Variants in BAHCC1 observed in about 807,000 individuals in gnomAD.
The protein encoded by BAHCC1 is BAH domain and coiled-coil containing 1, also known as BAH and coiled-coil domain-containing protein 1.
BAHCC1 carries 43 observed loss-of-function variants against 88.2 expected under a neutral mutation model. The observed-to-expected ratio is 0.49, with a 90% CI of 0.38 to 0.63. The LOEUF (loss-of-function observed/expected upper bound fraction) is 0.63. Among genes scored for constraint, BAHCC1 ranks in the 20% least tolerant of loss-of-function variants. The probability of loss-of-function intolerance (pLI) is 0.00; values close to 1 mark genes in which losing one functional copy is unlikely to be tolerated. For missense variants in BAHCC1, 3,023 were observed against 1,654.8 expected (o/e 1.83, Z -14.34); for synonymous variants, 1,510 against 745.5 (o/e 2.03, Z -16.71).
intron 10 of BAHCC1, 128 bp downstream of exon 10, chr17:81,445,809 A>T (rs1463880979): frequency 1.6e-6 from 1 of 614,050 alleles, no homozygotes; most frequent in African/African-American, 1.9e-5. Flanking sequence ...CCAGGGCAGC[A>T]TGGCTGTTCC....
rs1286566677 is a variant in BAHCC1 at position 81,434,900 on chromosome 17, G to T, written c.359-3470G>T. Among the ~76,000 whole-genome samples the T allele has an allele frequency of 2.0e-5, 3 of 152,060 alleles. No homozygotes were observed. Among genetic ancestry groups the T allele is most frequent in the Non-Finnish European group, 4.4e-5 (3 of 67,980 alleles). On this transcript the variant is annotated intron_variant, in intron 3 of 27. Transcript: ENST00000675386. This position sits in a 1 kb window ranked among gnomAD's most constrained non-coding sequence, Gnocchi z 4.9. ...AGGGGGATGAGGTACCTGGAGTGGG[G>T]GTGCCCGTCAGGCAGCCAGGGCTGG...
chr17:81,422,316 T>C (rs1555649691), intron 2 of BAHCC1, among the ~76,000 whole-genome samples: 1 of 152,252 alleles, frequency 6.6e-6, no homozygotes, highest in African/African-American at 2.4e-5. Flanking sequence ...TGGTCTCTCT[T>C]GTGCTTTATT....
Position 81,447,798 on chromosome 17 carries a change from A to G in BAHCC1, c.3926A>G (p.Glu1309Gly). 1.3e-6 allele frequency: 1 copy of G among 752,276 alleles called. No individual in the cohort carries two copies. The highest frequency in any genetic ancestry group is 2.5e-5 in the East Asian group (1 of 39,664). The allele number at this position is 752,276 out of a possible 1,614,324, so 46.6% of individuals were successfully genotyped here. A position where few individuals can be genotyped will look rare whatever the true frequency, so the allele number is the denominator to read the frequency against. ...SGIHGIALLS[E>G]LADLAIQRQR... Reference sequence around the variant, plus strand: ...ATTCATGGGATCGCTCTGCTCAGCGAGCTGGCTGACCTGGCAATCCAGCGG... The same window carrying G: ...ATTCATGGGATCGCTCTGCTCAGCGGGCTGGCTGACCTGGCAATCCAGCGG... The change falls in exon 11 of 28, where the codon GAG becomes GGG. Residue 1309 changes from glutamate to glycine, a missense_variant. By Grantham distance (98) the Glu-to-Gly change is moderately conservative (BLOSUM62 -2). Transcript: ENST00000675386.
At chr17:81,402,708 G>C (rs1210384865) in intron 2 of BAHCC1, 19 of 152,272 alleles carry the variant, frequency 1.2e-4, no homozygotes, top group Admixed American at 1.2e-3. Context: ...TGCTCTTCCT[G>C]TGCCTGTCTG....
rs1555654946 is a variant in BAHCC1 at position 81,447,648 on chromosome 17, G to C, written c.3776G>C (p.Gly1259Ala). ...AGCCACCCACCCAGGGCGCTACCAG[G>C]CCTGGATGCCTTGGTGGCCGCCACC... ...DNSHPPRALP[G>A]LDALVAATIN... The change falls in exon 11 of 28, where the codon GGC becomes GCC. Residue 1259 changes from glycine (G) to alanine (A), a missense_variant. Physicochemically the swap from Gly to Ala is moderately conservative, Grantham distance 60. Transcript: ENST00000675386. 1 of 740,318 alleles carries C rather than the reference G, an allele frequency of 1.4e-6. No homozygotes were observed. Among genetic ancestry groups the C allele is most frequent in the South Asian group, 1.4e-5 (1 of 69,348 alleles). The allele number at this position is 740,318 out of a possible 1,614,324, so 45.9% of individuals were successfully genotyped here.
chr17:81,463,009 C>G, intron 27 of BAHCC1, 33 bp downstream of exon 27: 1 of 767,106 alleles, frequency 1.3e-6, no homozygotes, highest in Non-Finnish European at 2.4e-6. Context: ...GCCCAGCCCC[C>G]CTCGGGGCCC....
chr17:81,424,523 G>A (rs782684035), intron 2 of BAHCC1, among the ~76,000 whole-genome samples: 11 of 152,150 alleles, frequency 7.2e-5, no homozygotes, highest in South Asian at 2.1e-4. Context: ...TGGTGGTGGC[G>A]AGTGATGTGG....
chr17:81,455,636 C>G (rs1335406459), intron 15 of BAHCC1, among the ~76,000 whole-genome samples: 1 of 152,232 alleles, frequency 6.6e-6, no homozygotes, highest in Non-Finnish European at 1.5e-5. Flanking sequence ...TCGTCTCACT[C>G]CAGCAGGAAA....
chr17:81,417,924 C>T (rs545609707), intron 2 of BAHCC1, among the ~76,000 whole-genome samples: 20 of 152,380 alleles, frequency 1.3e-4, no homozygotes, highest in Non-Finnish European at 2.2e-4. Context: ...GCCCCTCCCT[C>T]GCTGCCCCCA....
chr17:81,455,057 A>G (rs1459228258), intron 14 of BAHCC1, among the ~76,000 whole-genome samples: 6 of 152,196 alleles, frequency 3.9e-5, no homozygotes, highest in African/African-American at 1.4e-4. Flanking sequence ...GGTGGTTGGC[A>G]GGCAGAGGGG....
intron 2 of BAHCC1, among the ~76,000 whole-genome samples, chr17:81,414,557 C>T (rs1037181787): frequency 1.6e-4 from 25 of 152,190 alleles, no homozygotes; most frequent in African/African-American, 5.8e-4. Flanking sequence ...CCACCTCGCC[C>T]GCTCCCCTGC....
At chr17:81,397,638 C>T (rs751905142) in intron 1 of BAHCC1, among the ~76,000 whole-genome samples, 72 of 152,168 alleles carry the variant, frequency 4.7e-4, no homozygotes, top group South Asian at 1.0e-3. Flanking sequence ...TAGTCCAGCC[C>T]GGGCAGCCCC....
rs782537873 is a variant in BAHCC1, at chr17:81,461,638, C to G, written c.6975C>G (p.Thr2325=). The G allele has an allele frequency of 1.5e-5, 11 of 737,320 alleles. No homozygotes were observed. The African/African-American group carries it at 1.9e-4, about 13-fold the overall frequency. The allele number at this position is 737,320 out of a possible 1,614,324, so 45.7% of individuals were successfully genotyped here. The change falls in exon 26 of 28, where the codon ACC becomes ACG. Residue 2325 remains threonine, a synonymous_variant. Transcript: ENST00000675386. ...CCTCTTCCTCCTCTGGCTCGTCCAC[C>G]TCCTCCTCCTCAGGCTCCGTGTCCA... ...SVSSSSSGSS[T]SSSSGSVSTS...
At chr17:81,415,927 A>G (rs1253127735) in intron 2 of BAHCC1, among the ~76,000 whole-genome samples, 2 of 151,884 alleles carry the variant, frequency 1.3e-5, no homozygotes, top group African/African-American at 4.8e-5. Flanking sequence ...CAGGGAGACC[A>G]TGGGCCTCAC....
At chr17:81,396,086 C>T (rs576886400) in intron 1 of BAHCC1, 4 of 152,374 alleles carry the variant, frequency 2.6e-5, no homozygotes, top group African/African-American at 9.6e-5. Context: ...GAACGAACCC[C>T]AACATTCGCT....
intron 4 of BAHCC1, among the ~76,000 whole-genome samples, chr17:81,439,258 C>T (rs1250824170): frequency 6.6e-6 from 1 of 152,138 alleles, no homozygotes; most frequent in Non-Finnish European, 1.5e-5. Context: ...AAAAGTTCTC[C>T]TTGGGGTGAC....
intron 3 of BAHCC1, among the ~76,000 whole-genome samples, chr17:81,427,885 G>A (rs1461185288): frequency 3.3e-5 from 5 of 152,222 alleles, no homozygotes; most frequent in Admixed American, 1.3e-4. Context: ...CCACGCCACC[G>A]CCCCGTTCCA....
At chr17:81,406,571 C>A (rs782139060) in intron 2 of BAHCC1, among the ~76,000 whole-genome samples, 1 of 152,260 alleles carries the variant, frequency 6.6e-6, no homozygotes, top group Admixed American at 6.5e-5. Context: ...GGGCGTGGGA[C>A]CGCACTCCGC....
In BAHCC1 at chr17:81,444,484, G is replaced by T. The variant is rs1194214289; in HGVS notation, c.2428G>T (p.Asp810Tyr). Residue 810 changes from aspartate to tyrosine, a missense_variant, in exon 7 of 28, where the codon GAC becomes TAC. Transcript: ENST00000675386. ...GATGCAGAGCGGCCAGCTGGGCGGG[G>T]ACCCAGCCCCCCACACCCACCCCCA... Reference protein sequence around the residue: ...LMMQSGQLGGDPAPHTHPHPP... With the variant: ...LMMQSGQLGGYPAPHTHPHPP... The T allele has an allele frequency of 2.8e-6, 2 of 711,430 alleles. No homozygotes were observed. The allele number at this position is 711,430 out of a possible 1,614,324, so 44.1% of individuals were successfully genotyped here.
Sources: gnomAD v4.1 joint callset for allele counts (sites outside exome capture counted in the v4.1 genomes callset) on GRCh38, gnomAD v4.1.1 for gene constraint, Gnocchi (gnomAD v3.1) non-coding constraint, MANE v1.5 for transcripts, NCBI Gene and HGNC (gene_info 2026-07-23, HGNC 2026-07-21) for gene names.